Variants in ANK2 observed in about 807,000 individuals in gnomAD.
ANK2 encodes ankyrin 2, also known as ankyrin-2.
In ANK2, 83 loss-of-function variants were observed where a neutral mutation model predicts 360.5. The observed-to-expected ratio is 0.23, with a 90% CI of 0.19 to 0.28. The LOEUF (loss-of-function observed/expected upper bound fraction) is 0.28. Ranked by LOEUF, ANK2 falls within the 10% of genes least tolerant of loss-of-function variation. The pLI, the probability that ANK2 is intolerant of heterozygous loss-of-function variation, is 1.00. For synonymous variants in ANK2, 1,740 were observed against 1,759.5 expected (o/e 0.99, Z 0.28); for missense variants, 4,201 against 4,795.7 (o/e 0.88, Z 3.66).
intron 2 of ANK2, among the ~76,000 whole-genome samples, chr4:113,004,559 C>G (rs1368627523): frequency 6.6e-6 from 1 of 152,090 alleles, no homozygotes; most frequent in East Asian, 1.9e-4. Flanking sequence ...ACAACGCCTT[C>G]TTCTAGAATA....
At chr4:113,067,097 G>T (rs1348024758) in intron 1 of ANK2, among the ~76,000 whole-genome samples, 2 of 149,642 alleles carry the variant, frequency 1.3e-5, no homozygotes, top group Non-Finnish European at 3.0e-5. Context: ...GTAGCCAGAG[G>T]GGACTTTGAA....
chr4:112,920,490 A>T (rs1461302282), intron 2 of ANK2, among the ~76,000 whole-genome samples: 1 of 152,236 alleles, frequency 6.6e-6, no homozygotes, highest in African/African-American at 2.4e-5. Flanking sequence ...TATAACACTA[A>T]AGAGACAAAA....
intron 1 of ANK2, among the ~76,000 whole-genome samples, chr4:113,054,322 T>TACACAC (rs34708446): frequency 2.9e-4 from 43 of 149,750 alleles, no homozygotes; most frequent in East Asian, 1.6e-3. Flanking sequence ...ATTTTGAAGG[T>TACACAC]ACACACACAC....
At chr4:112,781,566 G>A in the ANK2 span, among the ~76,000 whole-genome samples, 1 of 151,966 alleles carries the variant, frequency 6.6e-6, no homozygotes, top group South Asian at 2.1e-4. Context: ...TACTATGAAA[G>A]AGATTGTCAA....
At chr4:112,825,693 T>C (rs2058276709) in intron 1 of ANK2, among the ~76,000 whole-genome samples, 2 of 152,198 alleles carry the variant, frequency 1.3e-5, no homozygotes, top group South Asian at 2.1e-4. Context: ...AATTAATATA[T>C]TTACATGACA....
At chr4:112,711,965 G>A in the ANK2 span, among the ~76,000 whole-genome samples, 1 of 150,616 alleles carries the variant, frequency 6.6e-6, no homozygotes, top group Admixed American at 6.6e-5. Flanking sequence ...AAGCAAGCCT[G>A]TGCCACTGCA....
chr4:112,738,863 CAACA>C, the ANK2 span: 418 of 655,014 alleles, frequency 6.4e-4, 1 homozygote, highest in South Asian at 2.1e-3. Context: ...GGAGCAACAA[CAACA>C]AACAAACAAA....
intron 2 of ANK2, among the ~76,000 whole-genome samples, chr4:112,950,419 C>T (rs1057123109): frequency 4.0e-5 from 6 of 151,610 alleles, no homozygotes; most frequent in South Asian, 2.1e-4. Flanking sequence ...CTGAGGTGGG[C>T]GGATCATGAG....
intron 4 of ANK2, among the ~76,000 whole-genome samples, chr4:113,224,013 A>G (rs963302990): frequency 2.0e-5 from 3 of 152,202 alleles, no homozygotes; most frequent in Admixed American, 6.5e-5. Flanking sequence ...AGGCTGCCTC[A>G]GTGTCAGCAT....
At chr4:112,869,874 G>T (rs1177291706) in intron 1 of ANK2, among the ~76,000 whole-genome samples, 1 of 151,774 alleles carries the variant, frequency 6.6e-6, no homozygotes, top group Non-Finnish European at 1.5e-5. Flanking sequence ...GTAGAGACAG[G>T]GTTTCAACAT....
At chr4:112,932,055 A>G (rs1256968447) in intron 2 of ANK2, among the ~76,000 whole-genome samples, 2 of 152,204 alleles carry the variant, frequency 1.3e-5, no homozygotes, top group Non-Finnish European at 2.9e-5. Context: ...CTTGTGGTGT[A>G]CTAAGTGCAA....
At chr4:113,213,782 C>G (rs17529732) in intron 4 of ANK2, among the ~76,000 whole-genome samples, 1 of 151,910 alleles carries the variant, frequency 6.6e-6, no homozygotes, top group African/African-American at 2.4e-5. Flanking sequence ...GCAGAGGAAA[C>G]GTTCCAAAAA....
At chr4:113,200,501 C>T (rs1362093707) in intron 4 of ANK2, among the ~76,000 whole-genome samples, 2 of 152,136 alleles carry the variant, frequency 1.3e-5, no homozygotes, top group East Asian at 3.8e-4. Context: ...TTTAGAGTCC[C>T]TAGTATCTAT....
At chr4:113,278,078 T>C in intron 16 of ANK2, 143 bp downstream of exon 16, 1 of 823,868 alleles carries the variant, frequency 1.2e-6, no homozygotes, top group Non-Finnish European at 2.0e-6. Flanking sequence ...GGCGATGTCT[T>C]CCATGACCGT....
chr4:113,252,900 G>A (rs1015852824), intron 10 of ANK2, among the ~76,000 whole-genome samples: 10 of 152,202 alleles, frequency 6.6e-5, no homozygotes, highest in African/African-American at 1.9e-4. Context: ...AAGTCAGCTG[G>A]TAATGCTGCC....
At chr4:113,070,458 T>C (rs1052315255) in intron 1 of ANK2, among the ~76,000 whole-genome samples, 1 of 152,132 alleles carries the variant, frequency 6.6e-6, no homozygotes, top group African/African-American at 2.4e-5. Flanking sequence ...AAATGCATTG[T>C]CCCATCTTTG....
upstream of ANK2, among the ~76,000 whole-genome samples, chr4:112,814,193 C>T (rs994228884): frequency 2.0e-5 from 3 of 152,120 alleles, no homozygotes; most frequent in South Asian, 4.1e-4. Context: ...GAAATAAGAT[C>T]GCATCCTTTA....
intron 1 of ANK2, among the ~76,000 whole-genome samples, chr4:113,153,272 G>C (rs915904442): frequency 6.6e-6 from 1 of 152,080 alleles, no homozygotes; most frequent in Non-Finnish European, 1.5e-5. Flanking sequence ...TAATATATTA[G>C]AACTAGAGCT....
chr4:112,850,359 A>ATCCATCCC (rs1168061848), intron 1 of ANK2, among the ~76,000 whole-genome samples: 1 of 141,204 alleles, frequency 7.1e-6, no homozygotes. Context: ...CCATCCATCC[A>ATCCATCCC]CCCATTCATC....
Sources: gnomAD v4.1 joint callset for allele counts (sites outside exome capture counted in the v4.1 genomes callset) on GRCh38, gnomAD v4.1.1 for gene constraint, MANE v1.5 for transcripts, NCBI Gene and HGNC (gene_info 2026-07-23, HGNC 2026-07-21) for gene names.